INSYN2A: variants seen among roughly 807,000 people sequenced by gnomAD.
The protein encoded by INSYN2A is inhibitory synaptic factor 2A, also known as family with sequence similarity 196 member A.
Under a neutral mutation model 39.4 loss-of-function variants are expected in INSYN2A, and 17 were observed. The ratio of observed to expected loss-of-function variants is 0.43; its 90% CI spans 0.30 to 0.65. The LOEUF (loss-of-function observed/expected upper bound fraction) is 0.65, where lower values mean the gene tolerates loss of function less well. Ranked by LOEUF, INSYN2A falls within the 30% of genes least tolerant of loss-of-function variation. The pLI is 0.14. For missense variants in INSYN2A, 595 were observed against 631.2 expected (o/e 0.94, Z 0.61); for synonymous variants, 255 against 265.7 (o/e 0.96, Z 0.39).
intron 2 of INSYN2A, among the ~76,000 whole-genome samples, chr10:127,180,449 T>G (rs1434303589): frequency 6.6e-6 from 1 of 152,222 alleles, no homozygotes; most frequent in Admixed American, 6.5e-5. Context: ...CATTGGACTG[T>G]GCTGTCTTGA....
At chr10:127,154,016 C>A in intron 4 of INSYN2A, 93 bp from the exon 5 acceptor site, 2 of 835,366 alleles carry the variant, frequency 2.4e-6, no homozygotes, top group South Asian at 1.4e-5. Flanking sequence ...CTTCCCAATG[C>A]CAAGCTCATC....
intron 1 of INSYN2A, among the ~76,000 whole-genome samples, chr10:127,194,349 A>G (rs1340131516): frequency 6.6e-6 from 1 of 152,240 alleles, no homozygotes; most frequent in African/African-American, 2.4e-5. Context: ...TGAGGCATGC[A>G]GATGGCAGGA....
At position 127,137,722 on chromosome 10, in the gene INSYN2A, G is replaced by T; in HGVS notation, c.*115C>A. ...CTTTTTGGTACGCAGGGCGAGAAGT[G>T]GGAGGTGCCTGAATGGGCACCACAG... On this transcript the variant is annotated 3_prime_UTR_variant, in exon 6 of 6. Transcript: ENST00000522781. 1 of 930,014 alleles carries T rather than the reference G, an allele frequency of 1.1e-6. No homozygotes were observed. The highest frequency in any genetic ancestry group is 1.6e-6 in the Non-Finnish European group (1 of 621,450). 57.6% of individuals were successfully genotyped at this position (930,014 alleles called of 1,614,324 possible). A position where few individuals can be genotyped will look rare whatever the true frequency, so the allele number is the denominator to read the frequency against.
chr10:127,149,887 G>C (rs1421979343), intron 5 of INSYN2A, among the ~76,000 whole-genome samples: 5 of 152,184 alleles, frequency 3.3e-5, no homozygotes, highest in African/African-American at 9.7e-5. Flanking sequence ...TGGTGGTGTA[G>C]GGACTCACAG....
rs991592175 is a variant in INSYN2A at position 127,196,588 on chromosome 10, C to T, written c.-986G>A. 6.2e-5 allele frequency among the ~76,000 whole-genome samples: 9 copies of T among 145,978 alleles called. No homozygotes were observed. The highest frequency in any genetic ancestry group is 2.2e-4 in the African/African-American group (9 of 40,560). ...CCGGCTGGCACCGAGGCGGGCGGAG[C>T]CCCGGGCCCCGCGGGGCGGAGGTGG... On this transcript the variant is annotated 5_prime_UTR_variant, in exon 1 of 6. Transcript: ENST00000522781.
At chr10:127,151,815 T>C (rs1475509333) in intron 5 of INSYN2A, among the ~76,000 whole-genome samples, 1 of 152,182 alleles carries the variant, frequency 6.6e-6, no homozygotes, top group African/African-American at 2.4e-5. Context: ...GACCAGTGGC[T>C]GATGTATTCG....
At chr10:127,180,927 G>C (rs566891744) in intron 2 of INSYN2A, among the ~76,000 whole-genome samples, 1 of 152,262 alleles carries the variant, frequency 6.6e-6, no homozygotes, top group African/African-American at 2.4e-5. Flanking sequence ...TTTTCCTTCT[G>C]TTTTCCAATT....
intron 2 of INSYN2A, among the ~76,000 whole-genome samples, chr10:127,185,823 C>A (rs990835694): frequency 6.6e-6 from 1 of 152,124 alleles, no homozygotes; most frequent in African/African-American, 2.4e-5. Context: ...AGATGGCACA[C>A]ACACTCACAA....
chr10:127,185,183 C>T (rs2056112941), intron 2 of INSYN2A, among the ~76,000 whole-genome samples: 2 of 152,160 alleles, frequency 1.3e-5, no homozygotes, highest in Non-Finnish European at 2.9e-5. Context: ...GAGTAGGTCC[C>T]TCTAAGTCTT....
intron 5 of INSYN2A, among the ~76,000 whole-genome samples, chr10:127,140,362 A>C (rs1054132665): frequency 5.9e-5 from 9 of 152,178 alleles, no homozygotes; most frequent in African/African-American, 2.2e-4. Context: ...CTGCAACCAG[A>C]GGCAGGTTCC....
At chr10:127,185,023 C>T (rs749878428) in intron 2 of INSYN2A, among the ~76,000 whole-genome samples, 3 of 152,130 alleles carry the variant, frequency 2.0e-5, no homozygotes, top group Non-Finnish European at 4.4e-5. Flanking sequence ...TGCACAAGAC[C>T]ATGTAAGAGG....
At chr10:127,187,957 C>T (rs1375652762) in intron 2 of INSYN2A, among the ~76,000 whole-genome samples, 1 of 152,046 alleles carries the variant, frequency 6.6e-6, no homozygotes, top group Non-Finnish European at 1.5e-5. Context: ...TCTTTTTCAC[C>T]CTTTGTTGTC....
At chr10:127,173,342 A>G (rs2054758014) in intron 4 of INSYN2A, among the ~76,000 whole-genome samples, 1 of 152,188 alleles carries the variant, frequency 6.6e-6, no homozygotes, top group Non-Finnish European at 1.5e-5. Context: ...ATTCCTACCC[A>G]GACATGTCTT....
At chr10:127,138,113 G>T (rs2133234110) in intron 5 of INSYN2A, 93 bp from the exon 6 acceptor site, 1 of 1,098,646 alleles carries the variant, frequency 9.1e-7, no homozygotes, top group Non-Finnish European at 1.3e-6. Context: ...TGATCAGTGT[G>T]TGTTTGTAAT....
At position 127,135,869 on chromosome 10, in the gene INSYN2A, G is replaced by T. The variant is rs2050647354; in HGVS notation, c.*1968C>A. The T allele has an allele frequency of 6.6e-6, 1 of 152,526 alleles. No individual in the cohort carries two copies. Among genetic ancestry groups the T allele is most frequent in the Non-Finnish European group, 1.5e-5 (1 of 68,014 alleles). 9.4% of individuals were successfully genotyped at this position (152,526 alleles called of 1,614,324 possible). ...TATTTCAATTTACTGAGATAGTTGG[G>T]ATTCTTAAAACATAAGGAGAGAGAA... is the stretch of plus-strand genomic sequence containing the variant. On this transcript the variant is annotated 3_prime_UTR_variant, in exon 6 of 6. Transcript: ENST00000522781.
In INSYN2A at chr10:127,176,493, C is replaced by T. The variant is rs901838938; in HGVS notation, c.-5-93G>A. 1 of 1,029,356 alleles carries T rather than the reference C, an allele frequency of 9.7e-7. No individual in the cohort carries two copies. Among genetic ancestry groups the T allele is most frequent in the Non-Finnish European group, 1.4e-6 (1 of 708,324 alleles). 63.8% of individuals were successfully genotyped at this position (1,029,356 alleles called of 1,614,324 possible). A position where few individuals can be genotyped will look rare whatever the true frequency, so the allele number is the denominator to read the frequency against. ...AACTTTTAGCCACCACGACGACTGC[C>T]TGTTTCCTAATTATATTTAAGCAGG... On this transcript the variant is annotated intron_variant, in intron 3 of 5. Coordinates refer to ENST00000522781, the MANE Select transcript of INSYN2A (RefSeq NM_001039762.3). The surrounding 1 kb of genome is among the most constrained non-coding windows in gnomAD (Gnocchi z 4.4).
chr10:127,181,493 G>C (rs2055731594), intron 2 of INSYN2A, among the ~76,000 whole-genome samples: 2 of 152,152 alleles, frequency 1.3e-5, no homozygotes, highest in African/African-American at 4.8e-5. Flanking sequence ...CACCTCCCAG[G>C]GCCCAGCAGT....
rs532391158 is a variant in INSYN2A at position 127,151,739 on chromosome 10, G to A, written c.1256+2113C>T. 7.9e-5 allele frequency among the ~76,000 whole-genome samples: 12 copies of A among 152,276 alleles called. No individual in the cohort carries two copies. The South Asian group carries it at 2.5e-3, about 32-fold the overall frequency. On this transcript the variant is annotated intron_variant, in intron 5 of 5. Transcript: ENST00000522781. ...ATCACAGTGCCTCGCCCTCTACCTAGTGAGTCTTCCTAAGTCTTGGCAAAT... is the reference window on the plus strand; with the variant it reads ...ATCACAGTGCCTCGCCCTCTACCTAATGAGTCTTCCTAAGTCTTGGCAAAT...
rs1216809857 is a variant in INSYN2A at position 127,186,504 on chromosome 10, A to ACCCCC, written c.-269+6100_-269+6101insGGGGG. Among the ~76,000 whole-genome samples, 9 of 9,012 alleles carry ACCCCC rather than the reference A, an allele frequency of 1.0e-3. 3 individuals carry two copies. The highest frequency in any genetic ancestry group is 2.1e-3 in the Non-Finnish European group (6 of 2,824). 5.9% of individuals were successfully genotyped at this position (9,012 alleles called of 152,430 possible). ...CAATCATGATAACAGCATGGGAGAA[A>ACCCCC]CCGCCCCCCCGCCCCCCCCCGATCC... On this transcript the variant is annotated intron_variant, in intron 2 of 5. Transcript: ENST00000522781.
Sources: allele counts gnomAD v4.1 joint callset (sites outside exome capture counted in the v4.1 genomes callset), GRCh38; gene constraint gnomAD v4.1.1; non-coding constraint Gnocchi (gnomAD v3.1); transcripts MANE v1.5; gene names NCBI Gene and HGNC (gene_info 2026-07-23, HGNC 2026-07-21).